SEPTIN11: variants seen among roughly 807,000 people sequenced by gnomAD.
The protein encoded by SEPTIN11 is septin-11.
SEPTIN11 carries 25 observed loss-of-function variants against 51.4 expected under a neutral mutation model. The observed-to-expected ratio is 0.49, with a 90% confidence interval of 0.35 to 0.68. The LOEUF (loss-of-function observed/expected upper bound fraction) is 0.68, where lower values mean the gene tolerates loss of function less well. SEPTIN11 is among the 30% of genes least tolerant of loss of function. The pLI is 0.00. For missense variants in SEPTIN11, 381 were observed against 520.8 expected (o/e 0.73, Z 2.61); for synonymous variants, 174 against 184.1 (o/e 0.95, Z 0.44).
intron 1 of SEPTIN11, among the ~76,000 whole-genome samples, chr4:76,967,948 A>G (rs188619472): frequency 6.6e-6 from 1 of 152,174 alleles, no homozygotes; most frequent in African/African-American, 2.4e-5. Context: ...GCCCGGCCAT[A>G]AGAGAGCAAA....
intron 1 of SEPTIN11, among the ~76,000 whole-genome samples, chr4:76,986,013 T>G (rs1385264090): frequency 1.3e-5 from 2 of 151,934 alleles, no homozygotes; most frequent in African/African-American, 4.8e-5. Context: ...AAGAGTGTGG[T>G]GGGTGACCAG....
At chr4:77,039,906 T>C, downstream of SEPTIN11, 1 of 207,836 alleles carries the variant, frequency 4.8e-6, no homozygotes, top group Non-Finnish European at 8.4e-6. Context: ...TAGTTCTGTT[T>C]TTTGTATTGG....
intron 1 of SEPTIN11, among the ~76,000 whole-genome samples, chr4:76,980,889 G>A (rs751330720): frequency 6.6e-6 from 1 of 152,154 alleles, no homozygotes; most frequent in Non-Finnish European, 1.5e-5. Context: ...ATGGATTACA[G>A]CAAGGATCTC....
chr4:76,952,950 T>C (rs1721407159), intron 1 of SEPTIN11, among the ~76,000 whole-genome samples: 1 of 152,234 alleles, frequency 6.6e-6, no homozygotes, highest in African/African-American at 2.4e-5. Flanking sequence ...GCTGATGGCC[T>C]CTCCTAAGCT....
intron 2 of SEPTIN11, among the ~76,000 whole-genome samples, chr4:77,005,300 TACAA>T (rs1245102898): frequency 6.6e-6 from 1 of 152,256 alleles, no homozygotes; most frequent in Non-Finnish European, 1.5e-5. Flanking sequence ...TCTTGTAATA[TACAA>T]ACTGAGCACA....
intron 1 of SEPTIN11, among the ~76,000 whole-genome samples, chr4:76,960,368 A>G (rs553043615): frequency 3.3e-5 from 5 of 152,318 alleles, no homozygotes; most frequent in African/African-American, 1.2e-4. Flanking sequence ...TGAGCCCTCT[A>G]AAGAAGTCTT....
intron 6 of SEPTIN11, among the ~76,000 whole-genome samples, chr4:77,019,950 A>G (rs948477756): frequency 6.6e-6 from 1 of 152,230 alleles, no homozygotes; most frequent in African/African-American, 2.4e-5. Flanking sequence ...GATCCCTGGG[A>G]AAAATACAAT....
intron 1 of SEPTIN11, among the ~76,000 whole-genome samples, chr4:76,951,899 AT>A (rs1183580738): frequency 1.3e-5 from 2 of 152,140 alleles, no homozygotes; most frequent in East Asian, 3.9e-4. Flanking sequence ...AATAGAGGAG[AT>A]TTTTTTTAAG....
chr4:77,029,905 G>A (rs886330399), intron 8 of SEPTIN11, among the ~76,000 whole-genome samples: 2 of 151,742 alleles, frequency 1.3e-5, no homozygotes, highest in Non-Finnish European at 2.9e-5. Flanking sequence ...TATACATTTC[G>A]AAAAAGGACC....
At chr4:76,989,658 T>C (rs1026874031) in intron 1 of SEPTIN11, among the ~76,000 whole-genome samples, 4 of 152,244 alleles carry the variant, frequency 2.6e-5, no homozygotes, top group African/African-American at 9.6e-5. Flanking sequence ...CAGTCAACAA[T>C]GGACCGCATA....
intron 8 of SEPTIN11, among the ~76,000 whole-genome samples, chr4:77,029,795 C>T (rs1726471225): frequency 6.6e-6 from 1 of 151,672 alleles, no homozygotes; most frequent in South Asian, 2.1e-4. Flanking sequence ...TATATACACA[C>T]ACATATACAC....
chr4:76,996,652 C>A, intron 2 of SEPTIN11, 113 bp downstream of exon 2: 1 of 810,620 alleles, frequency 1.2e-6, no homozygotes, highest in Non-Finnish European at 2.0e-6. Context: ...CTCTTTCTTT[C>A]ATCAGTAAAA....
chr4:77,034,555 C>A lies in SEPTIN11; in HGVS notation c.*43C>A. The A allele has an allele frequency of 6.5e-7, 1 of 1,532,112 alleles. No individual in the cohort carries two copies. Among genetic ancestry groups the A allele is most frequent in the Non-Finnish European group, 8.7e-7 (1 of 1,144,566 alleles). The allele number at this position is 1,532,112 out of a possible 1,614,324, so 94.9% of individuals were successfully genotyped here. A position where few individuals can be genotyped will look rare whatever the true frequency, so the allele number is the denominator to read the frequency against. On this transcript the variant is annotated 3_prime_UTR_variant, in exon 10 of 10. Coordinates refer to ENST00000264893, the MANE Select transcript of SEPTIN11 (RefSeq NM_018243.4). ...ATGTTCCCGCATTCACCTGCTTTTG[C>A]AGTAATATCGTATCTCTGCCATGTG...
chr4:76,977,447 TTATTA>T (rs1194035614), intron 1 of SEPTIN11, among the ~76,000 whole-genome samples: 1 of 152,204 alleles, frequency 6.6e-6, no homozygotes, highest in Non-Finnish European at 1.5e-5. Context: ...AATATTGTAT[TTATTA>T]AGTGAAACAG....
rs79761949 is a variant in SEPTIN11, at chr4:77,023,215, G to T, written c.953+2545G>T. Among the ~76,000 whole-genome samples, 1,177 of 149,632 alleles carry T rather than the reference G, an allele frequency of 7.9e-3. 31 individuals are homozygous for T. The highest frequency in any genetic ancestry group is 0.072 in the East Asian group (364 of 5,046). On this transcript the variant is annotated intron_variant, in intron 7 of 9. Coordinates refer to ENST00000264893, the MANE Select transcript of SEPTIN11 (RefSeq NM_018243.4). Reference sequence around the variant, plus strand: ...TATCCATGTCTCCCCTCCCCACTTGGATCCATTTCCCCTGGCCTGAGTTTT... The same window carrying T: ...TATCCATGTCTCCCCTCCCCACTTGTATCCATTTCCCCTGGCCTGAGTTTT...
In SEPTIN11 at chr4:76,949,845, C is replaced by T. The variant is rs896390191; in HGVS notation, c.-59C>T. On this transcript the variant is annotated 5_prime_UTR_variant, in exon 1 of 10. Transcript: ENST00000264893. ...AGGCGAGCCGGAGCCCGAGCACTAGCAGCAGCCGGAGTCGGCGTAAAGCAC... is the reference window on the plus strand; with the variant it reads ...AGGCGAGCCGGAGCCCGAGCACTAGTAGCAGCCGGAGTCGGCGTAAAGCAC... 2 of 1,500,728 alleles carry T rather than the reference C, an allele frequency of 1.3e-6. No individual in the cohort carries two copies. The highest frequency in any genetic ancestry group is 1.8e-6 in the Non-Finnish European group (2 of 1,126,750). The allele number at this position is 1,500,728 out of a possible 1,614,324, so 93.0% of individuals were successfully genotyped here. A position where few individuals can be genotyped will look rare whatever the true frequency, so the allele number is the denominator to read the frequency against.
chr4:77,037,364 A>T lies in SEPTIN11; in HGVS notation c.*2852A>T, dbSNP rs1370455609. ...GTGATGAAGTGAGACTCTCCAAAAA[A>T]AAAAAAGAAATTATTAATCCCTGCC... On this transcript the variant is annotated 3_prime_UTR_variant, in exon 10 of 10. Coordinates refer to ENST00000264893, the MANE Select transcript of SEPTIN11 (RefSeq NM_018243.4). 1.0e-6 allele frequency: 1 copy of T among 985,206 alleles called. No homozygotes were observed. Among genetic ancestry groups the T allele is most frequent in the East Asian group, 1.1e-4 (1 of 8,824 alleles). The allele number at this position is 985,206 out of a possible 1,614,324, so 61.0% of individuals were successfully genotyped here.
In SEPTIN11 at chr4:77,036,700, C is replaced by T; in HGVS notation, c.*2188C>T. 1 of 1,534,962 alleles carries T rather than the reference C, an allele frequency of 6.5e-7. No individual in the cohort carries two copies. On this transcript the variant is annotated 3_prime_UTR_variant, in exon 10 of 10. Coordinates refer to ENST00000264893, the MANE Select transcript of SEPTIN11 (RefSeq NM_018243.4). ...TTCTGAACTTTTTTCTGCCACTGCTCCCTAGCCCTGTTTAGTTTGTTATTG... is the reference window on the plus strand; with the variant it reads ...TTCTGAACTTTTTTCTGCCACTGCTTCCTAGCCCTGTTTAGTTTGTTATTG...
chr4:76,952,345 C>T (rs1197127101), intron 1 of SEPTIN11, among the ~76,000 whole-genome samples: 7 of 152,112 alleles, frequency 4.6e-5, no homozygotes, highest in Non-Finnish European at 1.0e-4. Flanking sequence ...TGGAATTTCC[C>T]TAGGTATTTA....
Sources: allele counts gnomAD v4.1 joint callset (sites outside exome capture counted in the v4.1 genomes callset), GRCh38; gene constraint gnomAD v4.1.1; transcripts MANE v1.5; gene names NCBI Gene and HGNC (gene_info 2026-07-23, HGNC 2026-07-21).